ZFYVE28: variants seen among roughly 807,000 people sequenced by gnomAD.
ZFYVE28 encodes the protein zinc finger FYVE-type containing 28, also known as lateral signaling target protein 2 homolog.
Under a neutral mutation model 82.1 loss-of-function variants are expected in ZFYVE28, and 40 were observed. That is an observed-to-expected ratio of 0.49 (90% CI 0.38 to 0.63). The LOEUF is 0.63. Among genes scored for constraint, ZFYVE28 ranks in the 30% least tolerant of loss-of-function variants. The pLI is 0.00. For synonymous variants in ZFYVE28, 612 were observed against 546.1 expected, an observed-to-expected ratio of 1.12 and a Z score of -1.68; for missense variants, 1,321 against 1,242.1, an observed-to-expected ratio of 1.06 and a Z score of -0.96.
chr4:2,391,080 T>TC (rs1275588324), intron 1 of ZFYVE28, among the ~76,000 whole-genome samples: 3 of 152,094 alleles, frequency 2.0e-5, no homozygotes, highest in African/African-American at 7.2e-5. Context: ...GCACGCAGCC[T>TC]CCCCCAACCC....
At chr4:2,392,651 T>G (rs1321110698) in intron 1 of ZFYVE28, among the ~76,000 whole-genome samples, 1 of 152,210 alleles carries the variant, frequency 6.6e-6, no homozygotes, top group African/African-American at 2.4e-5. Context: ...ATTAAATTAT[T>G]TAAATACAAC....
intron 2 of ZFYVE28, among the ~76,000 whole-genome samples, chr4:2,350,911 T>C (rs1306877140): frequency 2.6e-5 from 4 of 152,240 alleles, no homozygotes; most frequent in Non-Finnish European, 5.9e-5. Flanking sequence ...CCTTAGCCTG[T>C]GCACCTCTTC....
chr4:2,344,555 T>A (rs1393913701), intron 2 of ZFYVE28, among the ~76,000 whole-genome samples: 1 of 152,184 alleles, frequency 6.6e-6, no homozygotes, highest in Non-Finnish European at 1.5e-5. Context: ...AATACAAAAA[T>A]AGCCCCCAGC....
intron 8 of ZFYVE28, among the ~76,000 whole-genome samples, chr4:2,290,615 A>G (rs974853994): frequency 2.0e-5 from 3 of 152,204 alleles, no homozygotes; most frequent in African/African-American, 7.2e-5. Flanking sequence ...CTGGCCCCAG[A>G]GCAGCTGCTG....
intron 1 of ZFYVE28, among the ~76,000 whole-genome samples, chr4:2,398,179 G>A (rs981589130): frequency 7.9e-5 from 12 of 152,228 alleles, no homozygotes; most frequent in African/African-American, 2.9e-4. Flanking sequence ...CCAGTGGATG[G>A]CCTGGCTCCA....
chr4:2,379,107 A>G (rs1728463211), intron 1 of ZFYVE28, among the ~76,000 whole-genome samples: 1 of 152,228 alleles, frequency 6.6e-6, no homozygotes, highest in South Asian at 2.1e-4. Flanking sequence ...TCACATGGAC[A>G]GACAGCATCT....
Position 2,302,886 on chromosome 4 carries a change from C to T in ZFYVE28, c.2051+1403G>A, listed in dbSNP as rs751168508. The stretch of plus-strand genomic sequence containing the variant: ...GAGGTCACACACCACAGATGTTTCT[C>T]GACTTAACCCATCGTATCCTAAGTC... On this transcript the variant is annotated intron_variant, in intron 8 of 12. Transcript: ENST00000290974. Among the ~76,000 whole-genome samples the T allele has an allele frequency of 1.1e-3, 163 of 152,372 alleles. 2 individuals are homozygous for T. The highest frequency in any genetic ancestry group is 9.6e-4 in the East Asian group (5 of 5,188).
chr4:2,329,998 T>C (rs1578115470), intron 6 of ZFYVE28, among the ~76,000 whole-genome samples: 2 of 152,226 alleles, frequency 1.3e-5, no homozygotes, highest in East Asian at 1.9e-4. Context: ...ATAAGAGTTA[T>C]AGTCTAGTGG....
chr4:2,384,168 C>A (rs1226111752), intron 1 of ZFYVE28, among the ~76,000 whole-genome samples: 1 of 152,142 alleles, frequency 6.6e-6, no homozygotes, highest in Non-Finnish European at 1.5e-5. Flanking sequence ...GGACTGTCAG[C>A]CAAAGTCAAT....
rs1271707588 is a variant in ZFYVE28 at position 2,320,202 on chromosome 4, G to A, written c.771C>T (p.Phe257=). ...TCCGCAGCAACGTGTGGAAGGGCCG[G>A]AACAGCTCGGACATGTCTTCCACCT... ...DRKVEDMSEL[F]RPFHTLLRKI... is the part of the protein sequence containing the mutation. The change falls in exon 7 of 13, where the codon TTC becomes TTT. Residue 257 remains phenylalanine (F), a synonymous_variant. Coordinates refer to ENST00000290974, the MANE Select transcript of ZFYVE28 (RefSeq NM_020972.3). The surrounding 1 kb of genome is among the most constrained non-coding windows in gnomAD (Gnocchi z 5.1). 1.2e-6 allele frequency: 2 copies of A among 1,614,016 alleles called. No homozygotes were observed. Among genetic ancestry groups the A allele is most frequent in the Non-Finnish European group, 1.7e-6 (2 of 1,179,986 alleles).
rs1477831321 is a variant in ZFYVE28 at position 2,320,042 on chromosome 4, T to C, written c.803+128A>G. ...GTTTGTGACCCCTCCCTAGGGAATA[T>C]TAACCAGCCCATCCTTCCTCACAGA... is the stretch of plus-strand genomic sequence containing the variant. On this transcript the variant is annotated intron_variant, in intron 7 of 12. Coordinates refer to ENST00000290974, the MANE Select transcript of ZFYVE28 (RefSeq NM_020972.3). This position sits in a 1 kb window ranked among gnomAD's most constrained non-coding sequence, Gnocchi z 5.1. 4 of 898,250 alleles carry C rather than the reference T, an allele frequency of 4.5e-6. No homozygotes were observed. The highest frequency in any genetic ancestry group is 5.2e-6 in the Non-Finnish European group (3 of 580,238). The allele number at this position is 898,250 out of a possible 1,614,324, so 55.6% of individuals were successfully genotyped here. A position where few individuals can be genotyped will look rare whatever the true frequency, so the allele number is the denominator to read the frequency against.
intron 1 of ZFYVE28, among the ~76,000 whole-genome samples, chr4:2,381,894 GT>G (rs1728765214): frequency 6.6e-6 from 1 of 152,212 alleles, no homozygotes; most frequent in Non-Finnish European, 1.5e-5. Flanking sequence ...GGGGAAAATG[GT>G]TTCATGGGCC....
chr4:2,322,257 G>A (rs1175654943), intron 6 of ZFYVE28, among the ~76,000 whole-genome samples: 1 of 152,150 alleles, frequency 6.6e-6, no homozygotes, highest in Non-Finnish European at 1.5e-5. Context: ...ATTTGTCTCT[G>A]CACCTGGCCT....
rs534482954 is a variant in ZFYVE28, at chr4:2,362,931, C to T, written c.40-8858G>A. 5.3e-5 allele frequency among the ~76,000 whole-genome samples: 8 copies of T among 152,102 alleles called. No homozygotes were observed. Among genetic ancestry groups the T allele is most frequent in the South Asian group, 4.1e-4 (2 of 4,820 alleles). The stretch of plus-strand genomic sequence containing the variant: ...CCCACCCCTGCTCTCTCTCAGGACT[C>T]GGTACTGGCCCTCCCTGTGGCCTTC... On this transcript the variant is annotated intron_variant, in intron 1 of 12. Coordinates refer to ENST00000290974, the MANE Select transcript of ZFYVE28 (RefSeq NM_020972.3). This position sits in a 1 kb window ranked among gnomAD's most constrained non-coding sequence, Gnocchi z 5.1.
At chr4:2,369,943 C>T (rs3128810) in intron 1 of ZFYVE28, among the ~76,000 whole-genome samples, 97,148 of 145,384 alleles carry the variant, frequency 0.67, 32,763 homozygotes, top group East Asian at 0.79. Flanking sequence ...CTCCGCCTCC[C>T]GGGTTCAAGC....
chr4:2,377,268 G>T (rs566476800), intron 1 of ZFYVE28, among the ~76,000 whole-genome samples: 1 of 151,504 alleles, frequency 6.6e-6, no homozygotes, highest in African/African-American at 2.4e-5. Flanking sequence ...TGATCCGCCC[G>T]CCTCGGCCTC....
At chr4:2,380,608 T>G (rs941923652) in intron 1 of ZFYVE28, among the ~76,000 whole-genome samples, 2 of 152,212 alleles carry the variant, frequency 1.3e-5, no homozygotes, top group Non-Finnish European at 2.9e-5. Flanking sequence ...CACCCAAATC[T>G]CATCTTGAAT....
At chr4:2,374,382 C>T (rs1025379711) in intron 1 of ZFYVE28, among the ~76,000 whole-genome samples, 9 of 152,074 alleles carry the variant, frequency 5.9e-5, no homozygotes, top group Non-Finnish European at 1.5e-5. Context: ...ACGGCCAAGG[C>T]GGGAGGATTG....
rs756375798 is a variant in ZFYVE28, at chr4:2,304,744, G to A, written c.1596C>T (p.Ala532=). The change falls in exon 8 of 13, where the codon GCC becomes GCT. Residue 532 remains alanine (A), a synonymous_variant. Transcript: ENST00000290974. ...CGGGCTCCGAGGCGGCCTCCTGGGT[G>A]GCGACCGCAGAGTCCAGGGAAGTGG... ...KSPTSLDSAV[A]TQEAASEPVA... is the part of the protein sequence containing the mutation. 19 of 1,612,544 alleles carry A rather than the reference G, an allele frequency of 1.2e-5. No individual in the cohort carries two copies. Among genetic ancestry groups the A allele is most frequent in the African/African-American group, 4.0e-5 (3 of 74,912 alleles).
Sources: allele counts gnomAD v4.1 joint callset (sites outside exome capture counted in the v4.1 genomes callset), GRCh38; gene constraint gnomAD v4.1.1; non-coding constraint Gnocchi (gnomAD v3.1); transcripts MANE v1.5; gene names NCBI Gene and HGNC (gene_info 2026-07-23, HGNC 2026-07-21).